PTPRQ: variants seen among roughly 807,000 people sequenced by gnomAD.
The protein encoded by PTPRQ is protein tyrosine phosphatase receptor type Q, also known as phosphatidylinositol phosphatase PTPRQ.
PTPRQ carries 199 observed loss-of-function variants against 246.0 expected under a neutral mutation model. The ratio of observed to expected loss-of-function variants is 0.81; its 90% CI spans 0.72 to 0.91. The LOEUF (loss-of-function observed/expected upper bound fraction) is 0.91. PTPRQ is among the 40% of genes least tolerant of loss of function. The pLI is 0.00. For missense variants in PTPRQ, 2,624 were observed against 2,528.4 expected, an observed-to-expected ratio of 1.04 and a Z score of -0.81; for synonymous variants, 869 against 853.2, an observed-to-expected ratio of 1.02 and a Z score of -0.32.
chr12:80,510,517 G>T, intron 17 of PTPRQ, 74 bp downstream of exon 17: 1 of 1,325,826 alleles, frequency 7.5e-7, no homozygotes, highest in Non-Finnish European at 9.8e-7. Context: ...GTAGCTTTTA[G>T]ATTTCAGAAT....
At chr12:80,509,646 T>C (rs1459026435) in intron 16 of PTPRQ, among the ~76,000 whole-genome samples, 1 of 152,120 alleles carries the variant, frequency 6.6e-6, no homozygotes, top group Non-Finnish European at 1.5e-5. Context: ...TGCAGTAATG[T>C]TTTTATTGCT....
chr12:80,542,817 G>A lies in PTPRQ; in HGVS notation c.3809G>A (p.Gly1270Asp), dbSNP rs1269065290. The A allele has an allele frequency of 7.1e-6, 11 of 1,548,188 alleles. No individual in the cohort carries two copies. The highest frequency in any genetic ancestry group is 1.2e-5 in the South Asian group (1 of 83,308). ...AAATGGAGCCCAAGTCCTCTTCCAG[G>A]TGGTATTGTTAAAGTATATAGTTTT... ...WLKWSPSPLP[G>D]GIVKVYSFKI... Residue 1270 changes from glycine (G) to aspartate (D), a missense_variant, in exon 23 of 45, where the codon GGT becomes GAT. Physicochemically the swap from Gly to Asp is moderately conservative, Grantham distance 94. Coordinates refer to ENST00000644991, the MANE Select transcript of PTPRQ (RefSeq NM_001145026.2).
Position 80,679,083 on chromosome 12 carries a change from C to T in PTPRQ, c.*60C>T, listed in dbSNP as rs922407200. 8 of 1,520,704 alleles carry T rather than the reference C, an allele frequency of 5.3e-6. No homozygotes were observed. The East Asian group carries it at 9.9e-5, about 19-fold the overall frequency. The allele number at this position is 1,520,704 out of a possible 1,614,324, so 94.2% of individuals were successfully genotyped here. A position where few individuals can be genotyped will look rare whatever the true frequency, so the allele number is the denominator to read the frequency against. ...TTTAAATCCCAGGGGCCAAAGTTAC[C>T]CCCTCATTCTTCCGAATTGAAATGT... On this transcript the variant is annotated 3_prime_UTR_variant, in exon 45 of 45. Transcript: ENST00000644991.
intron 26 of PTPRQ, among the ~76,000 whole-genome samples, chr12:80,600,585 C>T (rs1008757807): frequency 2.0e-5 from 3 of 151,672 alleles, no homozygotes; most frequent in African/African-American, 7.3e-5. Context: ...GTCTGGGCAA[C>T]GATAATGTGC....
In PTPRQ at chr12:80,605,110, G is replaced by A. The variant is rs1231771075; in HGVS notation, c.4661G>A (p.Ser1554Asn). 1.9e-6 allele frequency: 3 copies of A among 1,545,358 alleles called. No individual in the cohort carries two copies. Among genetic ancestry groups the A allele is most frequent in the Admixed American group, 2.0e-5 (1 of 50,578 alleles). ...NVHVVATSPF[S>N]ISISWSEPAV... ...CATGTAGTAGCAACATCACCTTTTA[G>A]CATCAGCATAAGCTGGAGTGAACCT... Residue 1554 changes from serine (S) to asparagine (N), a missense_variant, in exon 27 of 45, where the codon AGC becomes AAC. By Grantham distance (46) the Ser-to-Asn change is conservative. Transcript: ENST00000644991.
At chr12:80,538,767 G>T (rs1896061557) in intron 19 of PTPRQ, among the ~76,000 whole-genome samples, 1 of 145,846 alleles carries the variant, frequency 6.9e-6, no homozygotes, top group Non-Finnish European at 1.5e-5. Context: ...ACTAATTACT[G>T]TTTTTTTTTA....
At position 80,540,548 on chromosome 12, in the gene PTPRQ, C is replaced by T. The variant is rs569815909; in HGVS notation, c.3154+604C>T. ...TTTTCTTGTAGTTGTTTCTGTCATC[C>T]ATTTGCTTATTTTCAAAGATTAATC... On this transcript the variant is annotated intron_variant, in intron 20 of 44. Transcript: ENST00000644991. 8.9e-4 allele frequency among the ~76,000 whole-genome samples: 136 copies of T among 152,044 alleles called. 3 individuals are homozygous for T. The highest frequency in any genetic ancestry group is 3.2e-3 in the African/African-American group (131 of 41,520).
At chr12:80,492,978 G>C (rs955870744) in intron 9 of PTPRQ, among the ~76,000 whole-genome samples, 1 of 151,896 alleles carries the variant, frequency 6.6e-6, no homozygotes, top group Non-Finnish European at 1.5e-5. Context: ...ACCTTTGCAT[G>C]AGGACGTCTT....
At chr12:80,578,434 G>T (rs568463802) in intron 25 of PTPRQ, among the ~76,000 whole-genome samples, 1 of 151,254 alleles carries the variant, frequency 6.6e-6, no homozygotes, top group Non-Finnish European at 1.5e-5. Flanking sequence ...TCTGTCGCCC[G>T]GGCTGGAGTG....
At chr12:80,470,545 C>T (rs1238425049) in intron 7 of PTPRQ, among the ~76,000 whole-genome samples, 1 of 152,066 alleles carries the variant, frequency 6.6e-6, no homozygotes, top group African/African-American at 2.4e-5. Flanking sequence ...ATTCCAGGCA[C>T]CATGTAGGGC....
At chr12:80,651,738 C>G (rs926294834) in intron 37 of PTPRQ, among the ~76,000 whole-genome samples, 1 of 151,862 alleles carries the variant, frequency 6.6e-6, no homozygotes, top group East Asian at 1.9e-4. Flanking sequence ...TTAAACTCAC[C>G]TTTTTTCTCC....
intron 33 of PTPRQ, among the ~76,000 whole-genome samples, chr12:80,628,970 C>T (rs1899311006): frequency 6.6e-6 from 1 of 152,084 alleles, no homozygotes; most frequent in African/African-American, 2.4e-5. Flanking sequence ...TTTATTTCCT[C>T]ACAGTCCAGA....
intron 15 of PTPRQ, among the ~76,000 whole-genome samples, 156 bp from the exon 16 acceptor site, chr12:80,506,413 T>G (rs1894961837): frequency 6.6e-6 from 1 of 151,974 alleles, no homozygotes; most frequent in Admixed American, 6.6e-5. Context: ...TATCATTTTG[T>G]CTTCATAAAT....
intron 26 of PTPRQ, among the ~76,000 whole-genome samples, chr12:80,598,565 G>T (rs145836645): frequency 1.3e-5 from 2 of 152,014 alleles, no homozygotes; most frequent in African/African-American, 4.8e-5. Context: ...TTGTCCAGGT[G>T]TGCTGAGTCA....
At chr12:80,624,106 A>G (rs778436264) in intron 33 of PTPRQ, among the ~76,000 whole-genome samples, 24 of 152,128 alleles carry the variant, frequency 1.6e-4, no homozygotes, top group Non-Finnish European at 2.9e-4. Flanking sequence ...TGCCACCCCA[A>G]TCATCTAGGT....
intron 19 of PTPRQ, among the ~76,000 whole-genome samples, chr12:80,537,848 G>A (rs1232379870): frequency 5.9e-5 from 9 of 152,072 alleles, no homozygotes; most frequent in Non-Finnish European, 8.8e-5. Flanking sequence ...GGTGGCTCAC[G>A]CCTGTAATCC....
chr12:80,573,617 T>C (rs917052172), intron 25 of PTPRQ, among the ~76,000 whole-genome samples: 5 of 152,222 alleles, frequency 3.3e-5, no homozygotes, highest in Non-Finnish European at 5.9e-5. Flanking sequence ...TATCATTTTA[T>C]ATGTTATGTT....
intron 25 of PTPRQ, 51 bp downstream of exon 25, chr12:80,549,785 AT>A (rs1376770998): frequency 1.3e-6 from 2 of 1,486,868 alleles, no homozygotes; most frequent in Non-Finnish European, 1.8e-6. Context: ...CTATTTGGGG[AT>A]TGTGTCAATA....
chr12:80,444,441 G>A (rs1892490153), intron 1 of PTPRQ, 42 bp downstream of exon 1: 1 of 1,134,554 alleles, frequency 8.8e-7, no homozygotes, highest in Non-Finnish European at 1.3e-6. Context: ...CTAAGTCATG[G>A]GCTGTAGATT....
Sources: allele counts gnomAD v4.1 joint callset (sites outside exome capture counted in the v4.1 genomes callset), GRCh38; gene constraint gnomAD v4.1.1; transcripts MANE v1.5; gene names NCBI Gene and HGNC (gene_info 2026-07-23, HGNC 2026-07-21).